PI4KB: variants seen among roughly 807,000 people sequenced by gnomAD.
PI4KB encodes PtdIns 4-kinase beta.
Under a neutral mutation model 81.4 loss-of-function variants are expected in PI4KB, and 23 were observed. That is an observed-to-expected ratio of 0.28 (90% CI 0.20 to 0.40). The LOEUF is 0.40. Ranked by LOEUF, PI4KB falls within the 10% of genes least tolerant of loss-of-function variation. The pLI, the probability that PI4KB is intolerant of heterozygous loss-of-function variation, is 1.00. For missense variants in PI4KB, 651 were observed against 1,036.6 expected (o/e 0.63, Z 5.11); for synonymous variants, 381 against 406.8 (o/e 0.94, Z 0.76).
chr1:151,303,271 T>G, intron 6 of PI4KB: 1 of 367,368 alleles, frequency 2.7e-6, no homozygotes, highest in Non-Finnish European at 5.2e-6. Context: ...AGTGATGGGG[T>G]TACAGGTGTG....
Position 151,299,399 on chromosome 1 carries a change from A to G in PI4KB, c.1750-326T>C, listed in dbSNP as rs587734682. On this transcript the variant is annotated intron_variant, in intron 8 of 11. Coordinates refer to ENST00000368873, the MANE Select transcript of PI4KB (RefSeq NM_001369623.2). Reference sequence around the variant, plus strand: ...GTAAGTTCAAATAATAAGAAAAAAGAGGCCAGGTGCGGTGGCTTATGCTTG... The same window carrying G: ...GTAAGTTCAAATAATAAGAAAAAAGGGGCCAGGTGCGGTGGCTTATGCTTG... 5.9e-5 allele frequency among the ~76,000 whole-genome samples: 9 copies of G among 152,296 alleles called. No individual in the cohort carries two copies. In the East Asian group the frequency reaches 1.5e-3, roughly 26 times the overall value.
At chr1:151,311,778 TC>T (rs1696249338) in intron 2 of PI4KB, among the ~76,000 whole-genome samples, 1 of 152,094 alleles carries the variant, frequency 6.6e-6, no homozygotes, top group African/African-American at 2.4e-5. Flanking sequence ...CTGAGTCAGC[TC>T]CGGGGAGTAA....
intron 9 of PI4KB, among the ~76,000 whole-genome samples, chr1:151,296,397 AC>A (rs1399423058): frequency 6.6e-6 from 1 of 152,110 alleles, no homozygotes; most frequent in African/African-American, 2.4e-5. Flanking sequence ...ATGAGGAAAC[AC>A]GTGTCTGACA....
intron 2 of PI4KB, among the ~76,000 whole-genome samples, chr1:151,314,989 T>TTTATTTATTTATTTATTTA (rs1357647383): frequency 5.9e-5 from 9 of 152,112 alleles, no homozygotes; most frequent in African/African-American, 2.2e-4. Context: ...TATTTATTTA[T>TTTATTTATTTATTTATTTA]TTATTTAGAG....
intron 2 of PI4KB, among the ~76,000 whole-genome samples, chr1:151,313,308 G>A (rs1647395996): frequency 6.6e-6 from 1 of 152,096 alleles, no homozygotes; most frequent in Non-Finnish European, 1.5e-5. Flanking sequence ...AAGGAGTCAG[G>A]TTGGAAGAAC....
At position 151,310,215 on chromosome 1, in the gene PI4KB, C is replaced by G; in HGVS notation, c.950G>C (p.Ser317Thr). Reference protein sequence around the residue: ...SSTESIDNSFSSPVRLAPERE... With the variant: ...SSTESIDNSFTSPVRLAPERE... ...TCCCAGCCTGGCCCCACTTACGGAA[C>G]TGAATGAATTATCAATACTCTCGGT... is the stretch of plus-strand genomic sequence containing the variant. Residue 317 changes from serine to threonine, a missense_variant, in exon 3 of 12, where the codon AGT becomes ACT. Ser to Thr is a moderately conservative substitution (Grantham distance 58). Transcript: ENST00000368873. The G allele has an allele frequency of 6.3e-7, 1 of 1,599,596 alleles. No individual in the cohort carries two copies. The highest frequency in any genetic ancestry group is 1.1e-5 in the South Asian group (1 of 89,740).
chr1:151,306,528 A>G (rs1210126993), intron 4 of PI4KB, 165 bp from the exon 5 acceptor site: 5 of 603,028 alleles, frequency 8.3e-6, no homozygotes, highest in South Asian at 2.0e-5. Flanking sequence ...TACTTGTCCT[A>G]TGATCACCTA....
chr1:151,311,827 TAGA>T (rs1696254503), intron 2 of PI4KB, among the ~76,000 whole-genome samples: 1 of 152,226 alleles, frequency 6.6e-6, no homozygotes, highest in South Asian at 2.1e-4. Flanking sequence ...CATATCAAGC[TAGA>T]AGGCCTACTG....
In PI4KB at chr1:151,315,846, A is replaced by G. The variant is rs190012690; in HGVS notation, c.636T>C (p.Cys212=). The G allele has an allele frequency of 2.5e-4, 404 of 1,614,078 alleles. 4 individuals are homozygous for G. In the Admixed American group the frequency reaches 6.6e-3, roughly 26 times the overall value. Residue 212 remains cysteine, a synonymous_variant, in exon 2 of 12, where the codon TGT becomes TGC. Transcript: ENST00000368873. ...CRQSINFSLQ[C]ALLLGAYSSD... is the part of the protein sequence containing the mutation. ...AAGAATAGGCCCCAAGCAACAGGGC[A>G]CACTGGAGGGAAAAGTTAATGCTCT...
intron 2 of PI4KB, among the ~76,000 whole-genome samples, chr1:151,310,636 C>T (rs1422787010): frequency 6.6e-6 from 1 of 152,132 alleles, no homozygotes; most frequent in Non-Finnish European, 1.5e-5. Flanking sequence ...CACTCACATG[C>T]TCTCAACCAA....
At chr1:151,324,742 C>T in intron 1 of PI4KB, 1 of 985,366 alleles carries the variant, frequency 1.0e-6, no homozygotes, top group Non-Finnish European at 1.2e-6. Flanking sequence ...CCTGTGCACT[C>T]ACCTCTCTCT....
intron 4 of PI4KB, among the ~76,000 whole-genome samples, chr1:151,306,863 T>C (rs1391052327): frequency 6.6e-6 from 1 of 152,118 alleles, no homozygotes; most frequent in African/African-American, 2.4e-5. Flanking sequence ...GATCATGAGG[T>C]CAGGAGTTCA....
intron 6 of PI4KB, among the ~76,000 whole-genome samples, chr1:151,302,577 CTTT>C (rs144203698): frequency 9.7e-5 from 13 of 133,766 alleles, no homozygotes; most frequent in Non-Finnish European, 1.4e-4. Flanking sequence ...CTTTTCTTTT[CTTT>C]TTTTTTTTTT....
intron 4 of PI4KB, 82 bp from the exon 5 acceptor site, chr1:151,306,445 T>C: frequency 1.2e-6 from 1 of 859,846 alleles, no homozygotes. Flanking sequence ...AGGTTCTTCC[T>C]GCTGTCCTTT....
Position 151,302,313 on chromosome 1 carries a change from A to C in PI4KB, c.1521-15T>G, listed in dbSNP as rs755582412. 2 of 1,598,038 alleles carry C rather than the reference A, an allele frequency of 1.3e-6. No homozygotes were observed. The highest frequency in any genetic ancestry group is 1.7e-6 in the Non-Finnish European group (2 of 1,165,460). On this transcript the variant is annotated splice_polypyrimidine_tract_variant and intron_variant, in intron 6 of 11. Coordinates refer to ENST00000368873, the MANE Select transcript of PI4KB (RefSeq NM_001369623.2). ...AAAGGCGCCGGCTGGCAGGAAGAAAATACATCATTTGCTTGGAGAAGCTAC... is the reference window on the plus strand; with the variant it reads ...AAAGGCGCCGGCTGGCAGGAAGAAACTACATCATTTGCTTGGAGAAGCTAC...
chr1:151,301,546 C>T (rs1369917671), intron 8 of PI4KB, among the ~76,000 whole-genome samples: 2 of 152,186 alleles, frequency 1.3e-5, no homozygotes, highest in East Asian at 1.9e-4. Context: ...TACAGGCGCC[C>T]GCCACCACAC....
chr1:151,326,035 A>G, intron 1 of PI4KB: 1 of 867,358 alleles, frequency 1.2e-6, no homozygotes, highest in South Asian at 1.4e-5. Context: ...TTCTTATGGA[A>G]CCAACCAAAA....
intron 1 of PI4KB, among the ~76,000 whole-genome samples, chr1:151,320,597 G>A (rs1228329189): frequency 1.3e-5 from 2 of 152,212 alleles, no homozygotes; most frequent in Non-Finnish European, 2.9e-5. Flanking sequence ...AGTGCCCTCT[G>A]AGCAGTAGAA....
At chr1:151,299,734 T>C (rs1695101899) in intron 8 of PI4KB, among the ~76,000 whole-genome samples, 1 of 152,074 alleles carries the variant, frequency 6.6e-6, no homozygotes, top group African/African-American at 2.4e-5. Flanking sequence ...CAGAGAAGAC[T>C]TCTCTGGAAA....
Sources: allele counts gnomAD v4.1 joint callset (sites outside exome capture counted in the v4.1 genomes callset), GRCh38; gene constraint gnomAD v4.1.1; transcripts MANE v1.5; gene names NCBI Gene and HGNC (gene_info 2026-07-23, HGNC 2026-07-21).